The following PDXDC1 variants were observed in gnomAD, a reference collection of about 807,000 sequenced individuals.
PDXDC1 encodes the protein pyridoxal dependent decarboxylase domain containing 1.
Under a neutral mutation model 100.1 loss-of-function variants are expected in PDXDC1, and 42 were observed. The observed-to-expected ratio is 0.42, with a 90% CI of 0.33 to 0.54. The LOEUF (loss-of-function observed/expected upper bound fraction) is 0.54, where lower values mean the gene tolerates loss of function less well. Among genes scored for constraint, PDXDC1 ranks in the 20% least tolerant of loss-of-function variants. PDXDC1 has a pLI of 0.10. For synonymous variants in PDXDC1, 260 were observed against 371.7 expected, an observed-to-expected ratio of 0.70 and a Z score of 3.46; for missense variants, 636 against 979.2, an observed-to-expected ratio of 0.65 and a Z score of 4.68.
At chr16:15,097,203 A>C (rs2046387482) in intron 16 of PDXDC1, among the ~76,000 whole-genome samples, 1 of 151,944 alleles carries the variant, frequency 6.6e-6, no homozygotes, top group Non-Finnish European at 1.5e-5. Context: ...AGGAGTTGGA[A>C]GCTGCAGTGA....
chr16:15,056,535 G>C (rs1440118415), intron 16 of PDXDC1, among the ~76,000 whole-genome samples: 1 of 152,174 alleles, frequency 6.6e-6, no homozygotes, highest in Non-Finnish European at 1.5e-5. Flanking sequence ...CAGCACTTTG[G>C]GGGGCCGAGG....
chr16:15,144,738 G>C, the PDXDC1 span, among the ~76,000 whole-genome samples: 1 of 152,190 alleles, frequency 6.6e-6, no homozygotes, highest in South Asian at 2.1e-4. Context: ...GGAGACTCCG[G>C]CCTCGGAGGC....
Position 15,132,830 on chromosome 16 carries a change from C to T in PDXDC1, c.1400-6049C>T, listed in dbSNP as rs546580605. 5.8e-6 allele frequency: 9 copies of T among 1,547,634 alleles called. No homozygotes were observed. The East Asian group carries it at 9.0e-5, about 15-fold the overall frequency. ...CTTGCGTATCTGGGCTCGGCGCTGCCGCTCGTGCTTGGGCTCTGCCGCCAC... is the reference window on the plus strand; with the variant it reads ...CTTGCGTATCTGGGCTCGGCGCTGCTGCTCGTGCTTGGGCTCTGCCGCCAC... On this transcript the variant is annotated intron_variant, in intron 16 of 16. Coordinates refer to the PDXDC1 transcript ENST00000535621.
intron 14 of PDXDC1, among the ~76,000 whole-genome samples, chr16:15,028,385 C>T (rs2042788414): frequency 6.6e-6 from 1 of 152,296 alleles, no homozygotes; most frequent in Admixed American, 6.5e-5. Context: ...CCCCCAGCTT[C>T]ACTTGTGACA....
At chr16:15,019,666 C>T (rs1241002653) in intron 12 of PDXDC1, among the ~76,000 whole-genome samples, 1 of 152,278 alleles carries the variant, frequency 6.6e-6, no homozygotes, top group Non-Finnish European at 1.5e-5. Flanking sequence ...TGAGCACAGT[C>T]CCTTGAGCCT....
Position 15,037,684 on chromosome 16 carries a change from G to A in PDXDC1, c.*1409G>A, listed in dbSNP as rs2043560396. On this transcript the variant is annotated 3_prime_UTR_variant, in exon 23 of 23. Coordinates refer to ENST00000396410, the MANE Select transcript of PDXDC1 (RefSeq NM_015027.4). ...GGTTTCAATAAAGGTTCTTGAAATT[G>A]TTACCAGTGAATTCAGTTTATAAAT... 5.5e-6 allele frequency: 1 copy of A among 182,194 alleles called. No individual in the cohort carries two copies. Among genetic ancestry groups the A allele is most frequent in the South Asian group, 1.9e-4 (1 of 5,332 alleles). 11.3% of individuals were successfully genotyped at this position (182,194 alleles called of 1,614,324 possible).
intron 16 of PDXDC1, chr16:15,125,625 G>T (rs1299160297): frequency 8.5e-7 from 1 of 1,181,478 alleles, no homozygotes; most frequent in Non-Finnish European, 1.3e-6. Flanking sequence ...ACAGTGTCTG[G>T]AGTCCAAGCT....
chr16:15,103,004 A>G (rs1483020243), intron 16 of PDXDC1: 3 of 331,320 alleles, frequency 9.1e-6, no homozygotes, highest in Admixed American at 4.3e-5. Context: ...GCTACTTGGG[A>G]CGCTGAAGTG....
At chr16:15,141,924 G>A (rs1346528033), downstream of PDXDC1, among the ~76,000 whole-genome samples, 1 of 152,186 alleles carries the variant, frequency 6.6e-6, no homozygotes, top group Non-Finnish European at 1.5e-5. Flanking sequence ...TGCGGCGGCA[G>A]CAGAACCAAT....
chr16:14,981,113 G>C (rs1287734339), intron 1 of PDXDC1, among the ~76,000 whole-genome samples: 22 of 152,284 alleles, frequency 1.4e-4, no homozygotes, highest in African/African-American at 5.3e-4. Context: ...AAGTGACCAG[G>C]AAGGATTATG....
chr16:15,001,604 T>G (rs1973167424), intron 3 of PDXDC1, among the ~76,000 whole-genome samples, 172 bp from the exon 4 acceptor site: 1 of 152,300 alleles, frequency 6.6e-6, no homozygotes, highest in Admixed American at 6.5e-5. Context: ...GTTTATAATT[T>G]GAGCTTTGTT....
At chr16:15,147,649 C>T in the PDXDC1 span, among the ~76,000 whole-genome samples, 1 of 152,182 alleles carries the variant, frequency 6.6e-6, no homozygotes, top group Admixed American at 6.5e-5. Flanking sequence ...GCCTCAGCCC[C>T]CAAAGTAGCT....
In PDXDC1 at chr16:15,130,765, G is replaced by A. The variant is rs767535921; in HGVS notation, c.1400-8114G>A. 4.8e-6 allele frequency: 6 copies of A among 1,261,992 alleles called. No individual in the cohort carries two copies. In the South Asian group the frequency reaches 7.1e-5, roughly 15 times the overall value. The allele number at this position is 1,261,992 out of a possible 1,614,324, so 78.2% of individuals were successfully genotyped here. ...GAGTGCAGGTAGACTGCCAGGTAGGGCTCGGGTTCCTCAGACAGGTAGCGG... is the reference window on the plus strand; with the variant it reads ...GAGTGCAGGTAGACTGCCAGGTAGGACTCGGGTTCCTCAGACAGGTAGCGG... On this transcript the variant is annotated intron_variant, in intron 16 of 16. Transcript: ENST00000535621.
chr16:15,017,237 C>G, intron 10 of PDXDC1, 69 bp downstream of exon 10: 8 of 1,608,660 alleles, frequency 5.0e-6, no homozygotes, highest in Non-Finnish European at 6.8e-6. Flanking sequence ...TCCCTCATGG[C>G]TCTTCACAGT....
intron 16 of PDXDC1, among the ~76,000 whole-genome samples, chr16:15,087,977 G>T (rs1195357355): frequency 6.6e-6 from 1 of 152,104 alleles, no homozygotes; most frequent in African/African-American, 2.4e-5. Context: ...AGCTGGGCGT[G>T]GTGGTGCATG....
intron 16 of PDXDC1, among the ~76,000 whole-genome samples, chr16:15,117,415 C>A (rs1325777596): frequency 1.4e-5 from 2 of 146,170 alleles, no homozygotes; most frequent in Non-Finnish European, 3.0e-5. Flanking sequence ...AATCCCAGCA[C>A]TGGGAGGCCG....
chr16:14,980,504 G>T (rs1967717857), intron 1 of PDXDC1, among the ~76,000 whole-genome samples: 1 of 152,030 alleles, frequency 6.6e-6, no homozygotes, highest in African/African-American at 2.4e-5. Flanking sequence ...TTATTTTTTT[G>T]AGATGGAGTC....
At chr16:15,003,437 C>T (rs1204434177) in intron 4 of PDXDC1, among the ~76,000 whole-genome samples, 2 of 152,160 alleles carry the variant, frequency 1.3e-5, no homozygotes, top group East Asian at 3.9e-4. Flanking sequence ...AGGATGGTCT[C>T]AATCTCCTGA....
chr16:15,147,467 A>G, the PDXDC1 span, among the ~76,000 whole-genome samples: 1 of 152,186 alleles, frequency 6.6e-6, no homozygotes, highest in South Asian at 2.1e-4. Flanking sequence ...AGAGACAAGA[A>G]CACAGAGGGC....
Sources: allele counts gnomAD v4.1 joint callset (sites outside exome capture counted in the v4.1 genomes callset), GRCh38; gene constraint gnomAD v4.1.1; transcripts MANE v1.5; gene names NCBI Gene and HGNC (gene_info 2026-07-23, HGNC 2026-07-21).